RAB3GAP2: variants seen among roughly 807,000 people sequenced by gnomAD.
The protein encoded by RAB3GAP2 is RAB3 GTPase activating non-catalytic protein subunit 2.
A neutral mutation model predicts 185.3 loss-of-function variants in RAB3GAP2; 87 were observed. That is an observed-to-expected ratio of 0.47 (90% CI 0.39 to 0.56). RAB3GAP2 has a LOEUF of 0.56. RAB3GAP2 is among the 20% of genes least tolerant of loss of function. The probability of loss-of-function intolerance (pLI) is 0.00; values close to 1 mark genes in which losing one functional copy is unlikely to be tolerated. For synonymous variants in RAB3GAP2, 554 were observed against 576.1 expected, an observed-to-expected ratio of 0.96 and a Z score of 0.55; for missense variants, 1,492 against 1,638.2, an observed-to-expected ratio of 0.91 and a Z score of 1.54.
intron 14 of RAB3GAP2, among the ~76,000 whole-genome samples, chr1:220,190,852 C>CT (rs1658602956): frequency 6.6e-6 from 1 of 152,054 alleles, no homozygotes; most frequent in South Asian, 2.1e-4. Flanking sequence ...AACAAGCTAA[C>CT]TTTAATTCAG....
intron 2 of RAB3GAP2, among the ~76,000 whole-genome samples, chr1:220,215,837 G>A (rs996101991): frequency 6.6e-6 from 1 of 152,000 alleles, no homozygotes; most frequent in Non-Finnish European, 1.5e-5. Flanking sequence ...GAAAAGGGGA[G>A]GGAAAGGGAG....
chr1:220,229,945 A>G (rs1017173194), intron 2 of RAB3GAP2, among the ~76,000 whole-genome samples: 42 of 152,200 alleles, frequency 2.8e-4, no homozygotes, highest in Admixed American at 6.5e-5. Context: ...AGTCTACCAA[A>G]TAGCACATGT....
At chr1:220,248,577 A>C (rs1659862172) in intron 1 of RAB3GAP2, among the ~76,000 whole-genome samples, 1 of 151,832 alleles carries the variant, frequency 6.6e-6, no homozygotes, top group Non-Finnish European at 1.5e-5. Context: ...TAAACTTAAA[A>C]CAATTCTCAT....
intron 13 of RAB3GAP2, 21 bp from the exon 14 acceptor site, chr1:220,191,305 G>C: frequency 7.7e-7 from 1 of 1,302,152 alleles, no homozygotes; most frequent in Non-Finnish European, 1.0e-6. Context: ...GAGGTAAAGG[G>C]AAGTTAATTA....
chr1:220,258,958 A>G (rs1227702594), intron 1 of RAB3GAP2, among the ~76,000 whole-genome samples: 1 of 152,230 alleles, frequency 6.6e-6, no homozygotes, highest in Non-Finnish European at 1.5e-5. Flanking sequence ...AGGCAGCCAA[A>G]TTATGAATGA....
intron 17 of RAB3GAP2, among the ~76,000 whole-genome samples, chr1:220,189,109 G>A (rs1158556884): frequency 2.0e-5 from 3 of 151,994 alleles, no homozygotes; most frequent in African/African-American, 7.2e-5. Flanking sequence ...ACTGAGGGGG[G>A]ACACTCAGGG....
rs535180584 is a variant in RAB3GAP2 at position 220,198,711 on chromosome 1, C to G, written c.812-2313G>C. Among the ~76,000 whole-genome samples, 402 of 152,216 alleles carry G rather than the reference C, an allele frequency of 2.6e-3. 2 individuals are homozygous for G. The highest frequency in any genetic ancestry group is 5.6e-3 in the Admixed American group (86 of 15,292). Reference sequence around the variant, plus strand: ...ATGCTACTTACTGTAATTACATTTCCTTGGCTGTGCATTCTTTTTTTTCTG... The same window carrying G: ...ATGCTACTTACTGTAATTACATTTCGTTGGCTGTGCATTCTTTTTTTTCTG... On this transcript the variant is annotated intron_variant, in intron 9 of 34. Coordinates refer to ENST00000358951, the MANE Select transcript of RAB3GAP2 (RefSeq NM_012414.4).
chr1:220,236,418 C>T (rs750852840), intron 1 of RAB3GAP2, among the ~76,000 whole-genome samples: 5 of 152,072 alleles, frequency 3.3e-5, no homozygotes, highest in Non-Finnish European at 7.4e-5. Flanking sequence ...ACTCGTGATC[C>T]GCCCACCTCG....
rs1558142111 is a variant in RAB3GAP2 at position 220,167,603 on chromosome 1, T to C, written c.2879A>G (p.Asn960Ser). 6.2e-7 allele frequency: 1 copy of C among 1,614,160 alleles called. No homozygotes were observed. The highest frequency in any genetic ancestry group is 1.1e-5 in the South Asian group (1 of 91,082). ...TGGGTTTTCTGCATCTCTTTCTTCA[T>C]TAGCCAGTTTTAATACTTCAGGGCT... ...DFSPEVLKLA[N>S]EERDAENPDE... is the part of the protein sequence containing the mutation. Residue 960 changes from asparagine to serine, a missense_variant, in exon 25 of 35, where the codon AAT becomes AGT. Coordinates refer to ENST00000358951, the MANE Select transcript of RAB3GAP2 (RefSeq NM_012414.4).
At chr1:220,213,015 C>CT in intron 3 of RAB3GAP2, 47 bp from the exon 4 acceptor site, 1 of 1,366,698 alleles carries the variant, frequency 7.3e-7, no homozygotes, top group East Asian at 2.5e-5. Context: ...CTATAATACA[C>CT]TAAAAGAGTA....
intron 1 of RAB3GAP2, among the ~76,000 whole-genome samples, chr1:220,248,591 A>C (rs1659862311): frequency 6.6e-6 from 1 of 151,346 alleles, no homozygotes; most frequent in African/African-American, 2.5e-5. Context: ...TTCTCATTAA[A>C]ATCCCAGTAT....
At position 220,182,817 on chromosome 1, in the gene RAB3GAP2, C is replaced by A. The variant is rs906042384; in HGVS notation, c.2113G>T (p.Asp705Tyr). The A allele has an allele frequency of 6.2e-7, 1 of 1,613,492 alleles. No individual in the cohort carries two copies. Among genetic ancestry groups the A allele is most frequent in the Non-Finnish European group, 8.5e-7 (1 of 1,179,694 alleles). ...RTNVRFSDDK[D>Y]GVLPVKTFLE... ...AATGTTTTTACAGGCAACACACCATCTTTATCATCAGAAAATCGAACATTT... is the reference window on the plus strand; with the variant it reads ...AATGTTTTTACAGGCAACACACCATATTTATCATCAGAAAATCGAACATTT... Residue 705 changes from aspartate (D) to tyrosine (Y), a missense_variant, in exon 20 of 35, where the codon GAT becomes TAT. Asp to Tyr is a radical substitution (Grantham distance 160). Coordinates refer to ENST00000358951, the MANE Select transcript of RAB3GAP2 (RefSeq NM_012414.4).
chr1:220,190,006 A>G (rs1036810630), intron 16 of RAB3GAP2, 58 bp downstream of exon 16: 9 of 1,375,946 alleles, frequency 6.5e-6, no homozygotes, highest in Admixed American at 1.7e-5. Context: ...AGAATATTTT[A>G]TTGATTTAAA....
intron 9 of RAB3GAP2, chr1:220,200,659 GAACTT>G (rs1246293532): frequency 1.9e-6 from 1 of 520,414 alleles, no homozygotes; most frequent in Admixed American, 2.0e-5. Flanking sequence ...ACCCTGAACT[GAACTT>G]AACACTTTGG....
intron 1 of RAB3GAP2, among the ~76,000 whole-genome samples, chr1:220,238,915 C>G (rs970526020): frequency 3.3e-5 from 5 of 152,192 alleles, no homozygotes; most frequent in African/African-American, 1.2e-4. Flanking sequence ...TAGGCTCTTA[C>G]AGGGCAGAGA....
intron 2 of RAB3GAP2, among the ~76,000 whole-genome samples, chr1:220,223,413 G>GA (rs965930652): frequency 3.3e-5 from 5 of 151,390 alleles, no homozygotes; most frequent in Admixed American, 6.6e-5. Flanking sequence ...TTGGAGTTTA[G>GA]AAAAAAAATA....
intron 1 of RAB3GAP2, among the ~76,000 whole-genome samples, chr1:220,243,182 A>G (rs747489560): frequency 2.0e-5 from 3 of 152,036 alleles, no homozygotes; most frequent in East Asian, 1.9e-4. Context: ...GTGAAATCCC[A>G]TCTCTACTAA....
At chr1:220,260,621 GGAA>G (rs1340282000) in intron 1 of RAB3GAP2, among the ~76,000 whole-genome samples, 6 of 152,090 alleles carry the variant, frequency 3.9e-5, no homozygotes, top group African/African-American at 1.2e-4. Context: ...GAGAACATCA[GGAA>G]GAATAGCTAA....
At chr1:220,153,152 G>A in intron 33 of RAB3GAP2, 33 bp downstream of exon 33, 1 of 1,495,722 alleles carries the variant, frequency 6.7e-7, no homozygotes, top group Non-Finnish European at 9.3e-7. Context: ...TTTATAACTT[G>A]AGCCCAATTA....
Sources: gnomAD v4.1 joint callset for allele counts (sites outside exome capture counted in the v4.1 genomes callset) on GRCh38, gnomAD v4.1.1 for gene constraint, MANE v1.5 for transcripts, NCBI Gene and HGNC (gene_info 2026-07-23, HGNC 2026-07-21) for gene names.